The following GPHN variants were observed in gnomAD, a reference collection of about 807,000 sequenced individuals.
GPHN encodes the protein gephyrin.
In GPHN, 17 loss-of-function variants were observed where a neutral mutation model predicts 95.5. The ratio of observed to expected loss-of-function variants is 0.18; its 90% CI spans 0.12 to 0.27. GPHN has a LOEUF of 0.27. GPHN is among the 10% of genes least tolerant of loss of function. GPHN has a pLI of 1.00. For synonymous variants in GPHN, 320 were observed against 322.5 expected, an observed-to-expected ratio of 0.99 and a Z score of 0.08; for missense variants, 660 against 978.1, an observed-to-expected ratio of 0.67 and a Z score of 4.34.
At chr14:66,793,666 CAAAAAGA>C (rs2060054054) in intron 3 of GPHN, among the ~76,000 whole-genome samples, 1 of 151,462 alleles carries the variant, frequency 6.6e-6, no homozygotes, top group South Asian at 2.1e-4. Flanking sequence ...AGTAATGGCA[CAAAAAGA>C]GAGAAGAGAG....
intron 3 of GPHN, among the ~76,000 whole-genome samples, chr14:66,802,450 C>T (rs1056298569): frequency 6.6e-6 from 1 of 152,152 alleles, no homozygotes; most frequent in Admixed American, 6.5e-5. Context: ...TGATGCTCAA[C>T]CCCCTGTGGC....
the GPHN span, chr14:67,663,306 T>C: frequency 6.0e-6 from 4 of 662,628 alleles, no homozygotes; most frequent in Admixed American, 3.4e-5. Context: ...TAAAATATGA[T>C]AGCAAGTTTC....
the GPHN span, chr14:67,645,672 C>A: frequency 1.9e-6 from 3 of 1,613,710 alleles, no homozygotes; most frequent in African/African-American, 1.3e-5. Context: ...AGTGGCCATG[C>A]CCGACACTGC....
chr14:66,891,943 T>A (rs2064532935), intron 5 of GPHN, among the ~76,000 whole-genome samples: 1 of 152,084 alleles, frequency 6.6e-6, no homozygotes, highest in Non-Finnish European at 1.5e-5. Context: ...TCACACCCAT[T>A]ACGTTGGCTG....
In GPHN at chr14:66,866,272, T is replaced by C. The variant is rs552889718; in HGVS notation, c.295-13667T>C. Among the ~76,000 whole-genome samples, 17 of 152,264 alleles carry C rather than the reference T, an allele frequency of 1.1e-4. No individual in the cohort carries two copies. The South Asian group carries it at 3.1e-3, about 28-fold the overall frequency. ...AACAGGAATGAGTAACTCTTTTTTTTAACGTAGGTTGAAAGACATACCTAG... is the reference window on the plus strand; with the variant it reads ...AACAGGAATGAGTAACTCTTTTTTTCAACGTAGGTTGAAAGACATACCTAG... On this transcript the variant is annotated intron_variant, in intron 4 of 22. Transcript: ENST00000478722.
At chr14:67,200,108 G>A in the GPHN span, 1 of 1,039,074 alleles carries the variant, frequency 9.6e-7, no homozygotes, top group East Asian at 2.5e-5. Flanking sequence ...CCTCCAATGG[G>A]CATGCCCCCC....
intron 2 of GPHN, among the ~76,000 whole-genome samples, chr14:66,698,932 T>C (rs1304649298): frequency 6.6e-6 from 1 of 152,236 alleles, no homozygotes; most frequent in African/African-American, 2.4e-5. Context: ...ACTTGTGTTG[T>C]TCAAGGGTAA....
chr14:66,935,119 C>A (rs2067043745), intron 8 of GPHN, among the ~76,000 whole-genome samples: 1 of 152,124 alleles, frequency 6.6e-6, no homozygotes. Context: ...GGATCCAAAT[C>A]TGAAGGTGAC....
the GPHN span, among the ~76,000 whole-genome samples, chr14:67,257,637 TACAC>T: frequency 1.3e-5 from 2 of 152,080 alleles, no homozygotes; most frequent in African/African-American, 2.4e-5. Context: ...ACATAGAACA[TACAC>T]ACGTATTTTA....
At chr14:67,655,953 T>C in the GPHN span, among the ~76,000 whole-genome samples, 2 of 152,050 alleles carry the variant, frequency 1.3e-5, no homozygotes, top group African/African-American at 4.8e-5. Context: ...AAACTAAAAA[T>C]TGAGCAAAGC....
At chr14:67,159,289 A>G (rs2081822481) in intron 18 of GPHN, 126 bp from the exon 19 acceptor site, 3 of 728,566 alleles carry the variant, frequency 4.1e-6, no homozygotes, top group Admixed American at 2.0e-5. Context: ...TAAGCAAATC[A>G]ACTCCATTAA....
chr14:67,340,032 C>CCA, the GPHN span: 1 of 71,698 alleles, frequency 1.4e-5, no homozygotes, highest in African/African-American at 4.5e-5. Flanking sequence ...CTCTGTCTCA[C>CCA]AAAAAAAAAA....
chr14:66,644,982 T>C (rs1443507549), intron 1 of GPHN, among the ~76,000 whole-genome samples: 1 of 152,156 alleles, frequency 6.6e-6, no homozygotes, highest in Non-Finnish European at 1.5e-5. Flanking sequence ...TGTTTGGAAG[T>C]CTGTTTATGT....
chr14:67,446,402 C>T, the GPHN span, among the ~76,000 whole-genome samples: 5 of 152,150 alleles, frequency 3.3e-5, no homozygotes, highest in Non-Finnish European at 7.4e-5. Flanking sequence ...TTCAGGGAAG[C>T]CAACAGCCTC....
At chr14:66,913,863 A>G (rs1339892296) in intron 5 of GPHN, among the ~76,000 whole-genome samples, 1 of 152,204 alleles carries the variant, frequency 6.6e-6, no homozygotes, top group Non-Finnish European at 1.5e-5. Flanking sequence ...ATTGAATGAT[A>G]TAATGTTTGT....
the GPHN span, among the ~76,000 whole-genome samples, chr14:67,687,771 CT>C: frequency 3.0e-4 from 41 of 134,926 alleles, 1 homozygote; most frequent in Admixed American, 6.9e-4. Context: ...ACGTCCGGCC[CT>C]TTTTTTTTTT....
chr14:66,627,380 A>G (rs898578497), intron 1 of GPHN, among the ~76,000 whole-genome samples: 1 of 151,006 alleles, frequency 6.6e-6, no homozygotes, highest in East Asian at 2.0e-4. Flanking sequence ...CCCCGCCCCC[A>G]ACATTGTTTC....
At chr14:66,782,819 C>A (rs900921520) in intron 3 of GPHN, among the ~76,000 whole-genome samples, 1 of 151,710 alleles carries the variant, frequency 6.6e-6, no homozygotes, top group Non-Finnish European at 1.5e-5. Context: ...GATGACAGAG[C>A]GAGACTCCAT....
At chr14:67,403,145 T>G in the GPHN span, among the ~76,000 whole-genome samples, 12 of 152,358 alleles carry the variant, frequency 7.9e-5, no homozygotes, top group African/African-American at 2.9e-4. Context: ...CCCATTGTAG[T>G]TTTGATTTGC....
Sources: allele counts gnomAD v4.1 joint callset (sites outside exome capture counted in the v4.1 genomes callset), GRCh38; gene constraint gnomAD v4.1.1; transcripts MANE v1.5; gene names NCBI Gene and HGNC (gene_info 2026-07-23, HGNC 2026-07-21).